The following CDKAL1 variants were observed in gnomAD, a reference collection of about 807,000 sequenced individuals.
The protein encoded by CDKAL1 is threonylcarbamoyladenosine tRNA methylthiotransferase.
A neutral mutation model predicts 68.2 loss-of-function variants in CDKAL1; 32 were observed. The ratio of observed to expected loss-of-function variants is 0.47; its 90% confidence interval spans 0.35 to 0.63. The LOEUF is 0.63. CDKAL1 is among the 30% of genes least tolerant of loss of function. The pLI, the probability that CDKAL1 is intolerant of heterozygous loss-of-function variation, is 0.00. For missense variants in CDKAL1, 606 were observed against 696.7 expected, an observed-to-expected ratio of 0.87 and a Z score of 1.47; for synonymous variants, 234 against 244.3, an observed-to-expected ratio of 0.96 and a Z score of 0.39.
intron 13 of CDKAL1, among the ~76,000 whole-genome samples, chr6:21,165,852 C>A (rs558420165): frequency 7.2e-5 from 11 of 152,268 alleles, no homozygotes; most frequent in African/African-American, 2.6e-4. Flanking sequence ...GGGCAGGAGT[C>A]AACTCAGGGG....
chr6:20,747,598 A>G (rs990113045), intron 6 of CDKAL1, among the ~76,000 whole-genome samples: 1 of 152,104 alleles, frequency 6.6e-6, no homozygotes, highest in Non-Finnish European at 1.5e-5. Context: ...ACATTTTTAT[A>G]TATGTTTTCA....
chr6:20,778,918 C>A (rs903907107), intron 7 of CDKAL1, among the ~76,000 whole-genome samples: 2 of 152,094 alleles, frequency 1.3e-5, no homozygotes, highest in Non-Finnish European at 2.9e-5. Context: ...CTCACAGAGA[C>A]GTTCAGAATA....
chr6:20,860,117 G>A (rs1759535680), intron 9 of CDKAL1, among the ~76,000 whole-genome samples: 1 of 151,770 alleles, frequency 6.6e-6, no homozygotes, highest in Non-Finnish European at 1.5e-5. Context: ...TCGCTTTGTT[G>A]CCCAGGCTGG....
rs1771561399 is a variant in CDKAL1 at position 21,068,132 on chromosome 6, T to C, written c.1236+2904T>C. ...CTGGCTACAGCTCCTTGGCAGGTCA[T>C]GGTAATTTAAATATCTTCTTCCATT... On this transcript the variant is annotated intron_variant, in intron 12 of 15. Transcript: ENST00000274695. Among the ~76,000 whole-genome samples the C allele has an allele frequency of 2.6e-5, 4 of 152,196 alleles. No homozygotes were observed. The South Asian group carries it at 8.3e-4, about 32-fold the overall frequency.
chr6:20,822,520 A>G lies in CDKAL1; in HGVS notation c.639-23555A>G, dbSNP rs182769748. Among the ~76,000 whole-genome samples the G allele has an allele frequency of 7.9e-4, 121 of 152,282 alleles. 1 individual carries two copies. Among genetic ancestry groups the G allele is most frequent in the African/African-American group, 2.7e-3 (111 of 41,578 alleles). On this transcript the variant is annotated intron_variant, in intron 8 of 15. Coordinates refer to ENST00000274695, the MANE Select transcript of CDKAL1 (RefSeq NM_017774.3). ...ACAGCACCAGGCCAGAGTGGCAAAC[A>G]GCATCGTTTTCTTTGGCTCAGCGAT...
chr6:20,851,063 A>T (rs1047103858), intron 9 of CDKAL1, among the ~76,000 whole-genome samples: 1 of 151,236 alleles, frequency 6.6e-6, no homozygotes, highest in Admixed American at 6.6e-5. Flanking sequence ...GACTATCTTT[A>T]CCTTCTCAGT....
At chr6:21,192,030 T>C (rs1778268849) in intron 13 of CDKAL1, among the ~76,000 whole-genome samples, 1 of 113,594 alleles carries the variant, frequency 8.8e-6, no homozygotes, top group South Asian at 3.2e-4. Context: ...TTTTTTTTTT[T>C]TTGAGACGGA....
chr6:20,630,213 G>A (rs1767614181), intron 4 of CDKAL1, among the ~76,000 whole-genome samples: 1 of 152,008 alleles, frequency 6.6e-6, no homozygotes, highest in South Asian at 2.1e-4. Flanking sequence ...CCCTCTTTGT[G>A]GCCAGCCCAG....
chr6:20,781,271 C>T lies in CDKAL1; in HGVS notation c.638+6C>T. 1.2e-6 allele frequency: 2 copies of T among 1,604,904 alleles called. No individual in the cohort carries two copies. The highest frequency in any genetic ancestry group is 8.5e-7 in the Non-Finnish European group (1 of 1,176,448). On this transcript the variant is annotated splice_donor_region_variant and intron_variant, in intron 8 of 15. Transcript: ENST00000274695. ...ATCATTTCCATCAATACCGGGTAAGCATCTCTCAAACTTGCTCATAAAATA... is the reference window on the plus strand; with the variant it reads ...ATCATTTCCATCAATACCGGGTAAGTATCTCTCAAACTTGCTCATAAAATA...
chr6:20,671,350 GTC>G (rs1311818478), intron 5 of CDKAL1, among the ~76,000 whole-genome samples: 1 of 152,028 alleles, frequency 6.6e-6, no homozygotes, highest in Non-Finnish European at 1.5e-5. Context: ...TTTATCTATT[GTC>G]TCTCAATTTG....
chr6:20,616,674 AT>A (rs1260882079), intron 4 of CDKAL1, among the ~76,000 whole-genome samples: 1 of 150,844 alleles, frequency 6.6e-6, no homozygotes, highest in Non-Finnish European at 1.5e-5. Context: ...GCTTAAGGAG[AT>A]TTTGGGCTGA....
chr6:21,146,208 A>G (rs1411783891), intron 13 of CDKAL1, among the ~76,000 whole-genome samples: 2 of 152,194 alleles, frequency 1.3e-5, no homozygotes, highest in East Asian at 1.9e-4. Context: ...CTGAGCTCCA[A>G]CACGTGCTTT....
intron 7 of CDKAL1, 133 bp downstream of exon 7, chr6:20,758,776 C>T: frequency 1.5e-6 from 1 of 658,324 alleles, no homozygotes; most frequent in South Asian, 2.5e-5. Flanking sequence ...AAATGTTATC[C>T]TTGGCTTCAT....
At chr6:20,635,584 T>A (rs1247334719) in intron 4 of CDKAL1, among the ~76,000 whole-genome samples, 2 of 152,192 alleles carry the variant, frequency 1.3e-5, no homozygotes, top group Non-Finnish European at 1.5e-5. Flanking sequence ...CCTTTGAGCA[T>A]CCTGCGGTTA....
chr6:20,653,927 A>G (rs1334364336), intron 5 of CDKAL1, among the ~76,000 whole-genome samples: 1 of 149,100 alleles, frequency 6.7e-6, no homozygotes, highest in African/African-American at 2.5e-5. Context: ...TTATATTTTT[A>G]GTAGAGATGC....
intron 13 of CDKAL1, among the ~76,000 whole-genome samples, chr6:21,141,495 C>T (rs1028158436): frequency 5.9e-5 from 9 of 152,166 alleles, no homozygotes; most frequent in African/African-American, 2.2e-4. Context: ...TGTATGTCCC[C>T]GCGATTCACT....
At chr6:20,949,519 G>A (rs1312296237) in intron 9 of CDKAL1, among the ~76,000 whole-genome samples, 1 of 152,102 alleles carries the variant, frequency 6.6e-6, no homozygotes, top group Non-Finnish European at 1.5e-5. Flanking sequence ...TACTTAATCT[G>A]TGCATCTCTT....
At chr6:20,611,733 C>G (rs1008968193) in intron 4 of CDKAL1, among the ~76,000 whole-genome samples, 1 of 152,124 alleles carries the variant, frequency 6.6e-6, no homozygotes, top group African/African-American at 2.4e-5. Context: ...TTTATCATTT[C>G]TGTGTACTGG....
At chr6:20,808,385 C>T (rs1776658870) in intron 8 of CDKAL1, among the ~76,000 whole-genome samples, 2 of 151,938 alleles carry the variant, frequency 1.3e-5, no homozygotes, top group South Asian at 4.2e-4. Context: ...GACTTTTGGC[C>T]TAGGAAGTCT....
Sources: allele counts gnomAD v4.1 joint callset (sites outside exome capture counted in the v4.1 genomes callset), GRCh38; gene constraint gnomAD v4.1.1; transcripts MANE v1.5; gene names NCBI Gene and HGNC (gene_info 2026-07-23, HGNC 2026-07-21).